The following CCDC157 variants were observed in gnomAD, a reference collection of about 807,000 sequenced individuals.
CCDC157 encodes the protein coiled-coil domain containing 157, also known as coiled-coil domain-containing protein 157.
A neutral mutation model predicts 70.9 loss-of-function variants in CCDC157; 60 were observed. The ratio of observed to expected loss-of-function variants is 0.85; its 90% CI spans 0.69 to 1.05. The LOEUF is 1.05. CCDC157 is among the 50% of genes least tolerant of loss of function. The pLI, the probability that CCDC157 is intolerant of heterozygous loss-of-function variation, is 0.00. For missense variants in CCDC157, 943 were observed against 984.2 expected (o/e 0.96, Z 0.56); for synonymous variants, 373 against 422.4 (o/e 0.88, Z 1.43).
chr22:30,377,931 C>A lies in CCDC157; in HGVS notation c.*1186C>A. 2.9e-6 allele frequency: 1 copy of A among 349,010 alleles called. No individual in the cohort carries two copies. The highest frequency in any genetic ancestry group is 2.1e-5 in the South Asian group (1 of 46,886). 21.6% of individuals were successfully genotyped at this position (349,010 alleles called of 1,614,324 possible). ...GTGGCTGGGTTTTTTTGCTCCGGGTCCCAGAGGGCTGAAATTGAGGCATCT... is the reference window on the plus strand; with the variant it reads ...GTGGCTGGGTTTTTTTGCTCCGGGTACCAGAGGGCTGAAATTGAGGCATCT... On this transcript the variant is annotated 3_prime_UTR_variant, in exon 12 of 12. Coordinates refer to ENST00000338306, the MANE Select transcript of CCDC157 (RefSeq NM_001017437.5).
intron 1 of CCDC157, among the ~76,000 whole-genome samples, chr22:30,360,915 C>T (rs1409281279): frequency 1.3e-5 from 2 of 152,082 alleles, no homozygotes; most frequent in South Asian, 2.1e-4. Flanking sequence ...GGCATGGTGG[C>T]ACGTGCCTGT....
Position 30,373,599 on chromosome 22 carries a change from T to A in CCDC157, c.1338T>A (p.Ser446=). 1 of 1,553,892 alleles carries A rather than the reference T, an allele frequency of 6.4e-7. No individual in the cohort carries two copies. Among genetic ancestry groups the A allele is most frequent in the Non-Finnish European group, 8.7e-7 (1 of 1,148,294 alleles). The change falls in exon 8 of 12, where the codon TCT becomes TCA. Residue 446 remains serine (S), a splice_region_variant and synonymous_variant. Coordinates refer to ENST00000338306, the MANE Select transcript of CCDC157 (RefSeq NM_001017437.5). The part of the protein sequence containing the change: ...RVDSMVRHQE[S]LQAKQRALLK... Reference sequence around the variant, plus strand: ...CCTGCTTGTCCGTTCCTGCTTAGTCTCTGCAGGCCAAGCAGCGAGCCCTGC... The same window carrying A: ...CCTGCTTGTCCGTTCCTGCTTAGTCACTGCAGGCCAAGCAGCGAGCCCTGC...
At chr22:30,370,287 C>G in intron 4 of CCDC157, 39 bp from the exon 5 acceptor site, 1 of 1,604,186 alleles carries the variant, frequency 6.2e-7, no homozygotes, top group Non-Finnish European at 8.5e-7. Context: ...TCTCTACTCT[C>G]TCCCTCACCT....
chr22:30,376,038 A>G, intron 10 of CCDC157: 2 of 556,544 alleles, frequency 3.6e-6, no homozygotes, highest in South Asian at 2.4e-5. Flanking sequence ...AAAAAAAAGA[A>G]GCCATGTCAG....
intron 2 of CCDC157, among the ~76,000 whole-genome samples, chr22:30,364,280 G>C (rs1932567272): frequency 6.6e-6 from 1 of 151,578 alleles, no homozygotes; most frequent in Non-Finnish European, 1.5e-5. Flanking sequence ...TGAAGCTACA[G>C]TGAGCTGTGA....
intron 1 of CCDC157, among the ~76,000 whole-genome samples, chr22:30,359,745 A>G (rs1436505884): frequency 2.0e-5 from 3 of 152,240 alleles, no homozygotes; most frequent in Non-Finnish European, 2.9e-5. Context: ...TGTTTTGGGT[A>G]TATTGGGTTA....
rs564162523 is a variant in CCDC157, at chr22:30,376,178, C to T, written c.1858-81C>T. ...TGCGCCCGGCCCTTCCCTCCCCATC[C>T]CTGGCTACGACACCCTCTCTGTACA... On this transcript the variant is annotated intron_variant, in intron 10 of 11. Transcript: ENST00000338306. 51 of 1,344,808 alleles carry T rather than the reference C, an allele frequency of 3.8e-5. No individual in the cohort carries two copies. In the East Asian group the frequency reaches 4.6e-4, roughly 12 times the overall value. 83.3% of individuals were successfully genotyped at this position (1,344,808 alleles called of 1,614,324 possible). A position where few individuals can be genotyped will look rare whatever the true frequency, so the allele number is the denominator to read the frequency against.
Position 30,376,872 on chromosome 22 carries a change from C to T in CCDC157, c.*127C>T, listed in dbSNP as rs79580243. ...GACTGAGCCAAGGAAAGAACCCTTC[C>T]TTCCCTGTCCTGGGCAGGGGCCACT... On this transcript the variant is annotated 3_prime_UTR_variant, in exon 12 of 12. Coordinates refer to ENST00000338306, the MANE Select transcript of CCDC157 (RefSeq NM_001017437.5). 795 of 968,666 alleles carry T rather than the reference C, an allele frequency of 8.2e-4. 4 individuals are homozygous for T. The African/African-American group carries it at 0.012, about 14-fold the overall frequency. The allele number at this position is 968,666 out of a possible 1,614,324, so 60.0% of individuals were successfully genotyped here.
rs763198034 is a variant in CCDC157, at chr22:30,371,707, G to A, written c.1103G>A (p.Arg368Gln). The change falls in exon 6 of 12, where the codon CGG becomes CAG. Residue 368 changes from arginine to glutamine, a missense_variant. Physicochemically the swap from Arg to Gln is conservative, Grantham distance 43. Transcript: ENST00000338306. ...ATLERELKQQRESTQAVEAKA... is the reference protein window; with the variant it reads ...ATLERELKQQQESTQAVEAKA... ...CTGGAGAGAGAACTGAAACAGCAGC[G>A]GGAGTCCACACAGGCTGTGGGTAAG... is the stretch of plus-strand genomic sequence containing the variant. 9.3e-6 allele frequency: 15 copies of A among 1,613,932 alleles called. No homozygotes were observed. The African/African-American group carries it at 1.1e-4, about 11-fold the overall frequency.
Position 30,357,138 on chromosome 22 carries a change from A to T in CCDC157, c.-166+6A>T. ...AGCCGCGACGCCGAAGACAGGTGAG[A>T]TGTTGTACGTCACCCGCCGGACCCC... On this transcript the variant is annotated splice_donor_region_variant and intron_variant, in intron 1 of 11. Coordinates refer to ENST00000338306, the MANE Select transcript of CCDC157 (RefSeq NM_001017437.5). 4.1e-6 allele frequency: 1 copy of T among 241,932 alleles called. No individual in the cohort carries two copies. The highest frequency in any genetic ancestry group is 7.9e-6 in the Non-Finnish European group (1 of 126,592). 15.0% of individuals were successfully genotyped at this position (241,932 alleles called of 1,614,324 possible).
intron 3 of CCDC157, 97 bp from the exon 4 acceptor site, chr22:30,369,335 C>T (rs868581469): frequency 8.9e-7 from 1 of 1,121,474 alleles, no homozygotes. Context: ...GCTCTTGATG[C>T]CTGGGCCAGT....
rs1233208007 is a variant in CCDC157, at chr22:30,375,604, G to A, written c.1798G>A (p.Gly600Arg). The change falls in exon 10 of 12, where the codon GGG becomes AGG. Residue 600 changes from glycine (G) to arginine (R), a missense_variant. Transcript: ENST00000338306. ...CATCCGGGTCCTACAGGAGGAGAAC[G>A]GGCGGCTCCAATCAATGCTGTCCAA... is the stretch of plus-strand genomic sequence containing the variant. ...IRIRVLQEEN[G>R]RLQSMLSKIR... The A allele has an allele frequency of 6.8e-6, 11 of 1,614,198 alleles. No individual in the cohort carries two copies. Among genetic ancestry groups the A allele is most frequent in the African/African-American group, 1.3e-5 (1 of 75,064 alleles).
In CCDC157 at chr22:30,373,406, G is replaced by A. The variant is rs538385735; in HGVS notation, c.1336-191G>A. The A allele has an allele frequency of 7.7e-4, 475 of 615,000 alleles. 6 individuals are homozygous for A. In the South Asian group the frequency reaches 8.6e-3, roughly 11 times the overall value. 38.1% of individuals were successfully genotyped at this position (615,000 alleles called of 1,614,324 possible). On this transcript the variant is annotated intron_variant, in intron 7 of 11. Coordinates refer to ENST00000338306, the MANE Select transcript of CCDC157 (RefSeq NM_001017437.5). The stretch of plus-strand genomic sequence containing the variant: ...TCCTGGCCTTGACCAGGTCCGGTGT[G>A]CATCTGCCTGCTGCCAGCTTCCCCC...
At position 30,373,652 on chromosome 22, in the gene CCDC157, A is replaced by T; in HGVS notation, c.1391A>T (p.Glu464Val). The part of the protein sequence containing the change: ...LLKQLDSLDQ[E>V]REELRGSLDE... ...AAGCAGCTGGACAGCCTGGACCAGG[A>T]ACGTGAGGAGCTGCGGGGCAGCCTG... is the stretch of plus-strand genomic sequence containing the variant. Residue 464 changes from glutamate (E) to valine (V), a missense_variant, in exon 8 of 12, where the codon GAA becomes GTA. Glu to Val is a moderately radical substitution (Grantham distance 121). Coordinates refer to ENST00000338306, the MANE Select transcript of CCDC157 (RefSeq NM_001017437.5). 6.4e-7 allele frequency: 1 copy of T among 1,558,808 alleles called. No individual in the cohort carries two copies. The highest frequency in any genetic ancestry group is 8.7e-7 in the Non-Finnish European group (1 of 1,151,146).
chr22:30,366,535 G>A (rs1002958564), intron 3 of CCDC157: 14 of 483,990 alleles, frequency 2.9e-5, no homozygotes, highest in Middle Eastern at 6.0e-4. Context: ...CTGTGACCAC[G>A]GTCTCTCAGC....
In CCDC157 at chr22:30,372,153, A is replaced by C; in HGVS notation, c.1202A>C (p.Gln401Pro). ...AERQVQQLEEQVQQLEAQVQL... is the reference protein window; with the variant it reads ...AERQVQQLEEPVQQLEAQVQL... ...AGGCAGGTGCAGCAGCTGGAGGAGC[A>C]GGTGCAGCAGTTGGAGGCGCAGGTG... The change falls in exon 7 of 12, where the codon CAG becomes CCG. Residue 401 changes from glutamine to proline, a missense_variant. Gln to Pro is a moderately conservative substitution (Grantham distance 76). Transcript: ENST00000338306. The C allele has an allele frequency of 6.4e-7, 1 of 1,561,630 alleles. No homozygotes were observed. Among genetic ancestry groups the C allele is most frequent in the Non-Finnish European group, 8.7e-7 (1 of 1,153,970 alleles).
At position 30,376,593 on chromosome 22, in the gene CCDC157, AG is replaced by A. The variant is rs1933383777; in HGVS notation, c.2108del (p.Ser703ThrfsTer11). 6.2e-7 allele frequency: 1 copy of A among 1,613,598 alleles called. No individual in the cohort carries two copies. Among genetic ancestry groups the A allele is most frequent in the Admixed American group, 1.7e-5 (1 of 59,978 alleles). ...PCTSPSRQPCSQPSKSLLEGV... is the reference protein window; with the variant it reads ...PCTSPSRQPCXQPSKSLLEGV... ...CACATCCCCATCTCGGCAGCCCTGC[AG>A]CCAGCCCAGCAAGTCCTTGCTGGAG... On this transcript the variant is annotated frameshift_variant, in exon 12 of 12. Transcript: ENST00000338306. LOFTEE classifies it low-confidence loss of function (END_TRUNC).
chr22:30,373,969 C>T lies in CCDC157; in HGVS notation c.1550C>T (p.Ala517Val), dbSNP rs747260037. Residue 517 changes from alanine to valine, a missense_variant, in exon 9 of 12, where the codon GCG (alanine) becomes GTG (valine). Coordinates refer to ENST00000338306, the MANE Select transcript of CCDC157 (RefSeq NM_001017437.5). ...AGGGAGAAGCAAGGCCTGGAGCAGGCGACTACGGACCTGCGGCTAACCATC... is the reference window on the plus strand; with the variant it reads ...AGGGAGAAGCAAGGCCTGGAGCAGGTGACTACGGACCTGCGGCTAACCATC... The part of the protein sequence containing the change: ...LQREKQGLEQ[A>V]TTDLRLTILE... 1.1e-4 allele frequency: 179 copies of T among 1,612,726 alleles called. No homozygotes were observed. Among genetic ancestry groups the T allele is most frequent in the Non-Finnish European group, 1.4e-4 (169 of 1,179,566 alleles).
chr22:30,376,184 T>C (rs1601751428), intron 10 of CCDC157, 75 bp from the exon 11 acceptor site: 2 of 1,389,458 alleles, frequency 1.4e-6, no homozygotes, highest in Non-Finnish European at 2.0e-6. Context: ...CATCCCTGGC[T>C]ACGACACCCT....
Sources: gnomAD v4.1 joint callset for allele counts (sites outside exome capture counted in the v4.1 genomes callset) on GRCh38, gnomAD v4.1.1 for gene constraint, MANE v1.5 for transcripts, NCBI Gene and HGNC (gene_info 2026-07-23, HGNC 2026-07-21) for gene names.